The following PDE1C variants were observed in gnomAD, a reference collection of about 807,000 sequenced individuals.
The protein encoded by PDE1C is phosphodiesterase 1C.
A neutral mutation model predicts 93.1 loss-of-function variants in PDE1C; 62 were observed. The ratio of observed to expected loss-of-function variants is 0.67; its 90% CI spans 0.54 to 0.82. The LOEUF is 0.82. PDE1C is among the 40% of genes least tolerant of loss of function. PDE1C has a pLI of 0.00. For synonymous variants in PDE1C, 325 were observed against 310.1 expected (o/e 1.05, Z -0.50); for missense variants, 742 against 884.6 (o/e 0.84, Z 2.04).
the PDE1C span, among the ~76,000 whole-genome samples, chr7:31,677,704 C>A: frequency 9.9e-5 from 15 of 152,118 alleles, no homozygotes; most frequent in Non-Finnish European, 1.5e-4. Context: ...AACTTCTAGG[C>A]TTTTTCTCTA....
intron 2 of PDE1C, among the ~76,000 whole-genome samples, chr7:32,004,349 GA>G (rs1785892359): frequency 6.6e-6 from 1 of 152,116 alleles, no homozygotes; most frequent in Non-Finnish European, 1.5e-5. Context: ...GAGGAGGAGT[GA>G]GCTACAAAGG....
chr7:32,132,388 G>T (rs776747050), intron 3 of PDE1C, among the ~76,000 whole-genome samples: 2 of 152,286 alleles, frequency 1.3e-5, no homozygotes, highest in Admixed American at 1.3e-4. Flanking sequence ...GTTAAGCAGG[G>T]TGCAGTGGCT....
intron 2 of PDE1C, among the ~76,000 whole-genome samples, chr7:32,176,168 C>G (rs758994099): frequency 2.0e-5 from 3 of 152,106 alleles, no homozygotes; most frequent in Non-Finnish European, 2.9e-5. Context: ...TGTAGTTAGC[C>G]TAACTACATC....
the PDE1C span, among the ~76,000 whole-genome samples, chr7:31,688,062 T>A: frequency 6.6e-6 from 1 of 152,168 alleles, no homozygotes; most frequent in African/African-American, 2.4e-5. Flanking sequence ...TTCTGATAGA[T>A]CAATTTAGAT....
chr7:32,338,609 G>A (rs189238093), intron 1 of PDE1C, among the ~76,000 whole-genome samples: 2 of 152,244 alleles, frequency 1.3e-5, no homozygotes, highest in African/African-American at 2.4e-5. Flanking sequence ...ATTACCATAC[G>A]ATCCAGGAAT....
intron 1 of PDE1C, among the ~76,000 whole-genome samples, chr7:32,311,194 C>A (rs937914497): frequency 3.0e-4 from 46 of 152,300 alleles, no homozygotes; most frequent in African/African-American, 1.1e-3. Flanking sequence ...CCTCCCAAGA[C>A]TAAACCAGGA....
Position 32,209,628 on chromosome 7 carries a change from T to C in PDE1C, c.86-89A>G, listed in dbSNP as rs575404387. 5 of 1,100,526 alleles carry C rather than the reference T, an allele frequency of 4.5e-6. No homozygotes were observed. The South Asian group carries it at 7.3e-5, about 16-fold the overall frequency. 68.2% of individuals were successfully genotyped at this position (1,100,526 alleles called of 1,614,324 possible). ...AATACAGCCAATCCCCTGGATGCTT[T>C]GACATCGGGCTGTATTTAAGAGTCT... On this transcript the variant is annotated intron_variant, in intron 1 of 18. Coordinates refer to the PDE1C transcript ENST00000396193.
chr7:31,679,057 T>C, the PDE1C span, among the ~76,000 whole-genome samples: 5 of 152,200 alleles, frequency 3.3e-5, no homozygotes, highest in African/African-American at 1.2e-4. Context: ...AATGAACCTA[T>C]AATCTAGTAA....
the PDE1C span, among the ~76,000 whole-genome samples, chr7:31,670,762 A>T: frequency 1.3e-5 from 2 of 152,020 alleles, no homozygotes; most frequent in African/African-American, 2.4e-5. Flanking sequence ...AGAACATAAC[A>T]TTCCTATTTT....
At chr7:31,747,876 G>T (rs1260424151), downstream of PDE1C, among the ~76,000 whole-genome samples, 1 of 128,206 alleles carries the variant, frequency 7.8e-6, no homozygotes. Context: ...AAAAAAATCA[G>T]TCTTGGGTTC....
chr7:31,673,533 C>A, the PDE1C span, among the ~76,000 whole-genome samples: 1 of 152,094 alleles, frequency 6.6e-6, no homozygotes, highest in East Asian at 1.9e-4. Flanking sequence ...TTAAATTTTT[C>A]TCATGTGTTT....
chr7:32,014,331 A>G (rs1787582892), intron 2 of PDE1C, among the ~76,000 whole-genome samples: 1 of 152,220 alleles, frequency 6.6e-6, no homozygotes, highest in African/African-American at 2.4e-5. Flanking sequence ...AATGTGATTC[A>G]AAAGATCACC....
intron 2 of PDE1C, among the ~76,000 whole-genome samples, chr7:31,986,215 A>C (rs1783380042): frequency 6.6e-6 from 1 of 152,034 alleles, no homozygotes; most frequent in Non-Finnish European, 1.5e-5. Context: ...GCCTCCTCCT[A>C]GCTTCTGGTG....
chr7:32,248,771 G>A (rs1190602365), intron 1 of PDE1C, among the ~76,000 whole-genome samples: 2 of 152,196 alleles, frequency 1.3e-5, no homozygotes, highest in Admixed American at 6.5e-5. Context: ...TAATCACACC[G>A]ATGAGGAAAA....
intron 3 of PDE1C, among the ~76,000 whole-genome samples, chr7:32,121,366 A>T (rs1027848570): frequency 6.6e-5 from 10 of 152,198 alleles, no homozygotes; most frequent in African/African-American, 2.4e-4. Context: ...ATGCAAATTC[A>T]GGAAATACAG....
chr7:31,924,326 G>A (rs1803058235), intron 2 of PDE1C, among the ~76,000 whole-genome samples: 1 of 152,158 alleles, frequency 6.6e-6, no homozygotes, highest in Admixed American at 6.5e-5. Flanking sequence ...TCTCCCAAAT[G>A]ATGGGTAGGG....
At chr7:32,178,036 G>A (rs1449098933) in intron 2 of PDE1C, among the ~76,000 whole-genome samples, 1 of 152,178 alleles carries the variant, frequency 6.6e-6, no homozygotes, top group Non-Finnish European at 1.5e-5. Context: ...CTAGCCCTTT[G>A]GGGTCTACCC....
At chr7:32,083,115 G>T (rs1796819180) in intron 3 of PDE1C, among the ~76,000 whole-genome samples, 1 of 151,996 alleles carries the variant, frequency 6.6e-6, no homozygotes, top group South Asian at 2.1e-4. Context: ...AAAAAATTTA[G>T]ACGAATGTAT....
chr7:31,753,232 T>A lies in PDE1C; in HGVS notation c.*152A>T, dbSNP rs372017131. On this transcript the variant is annotated 3_prime_UTR_variant, in exon 18 of 18. Coordinates refer to ENST00000396191, the MANE Select transcript of PDE1C (RefSeq NM_001191057.4). Reference sequence around the variant, plus strand: ...AAGAACAACAAAGAGGAAAATCACATACAACTTTCATTTCACCTTGGTGGA... The same window carrying A: ...AAGAACAACAAAGAGGAAAATCACAAACAACTTTCATTTCACCTTGGTGGA... The A allele has an allele frequency of 7.6e-5, 72 of 944,816 alleles. 1 individual carries two copies. The highest frequency in any genetic ancestry group is 4.2e-4 in the East Asian group (16 of 38,322). 58.5% of individuals were successfully genotyped at this position (944,816 alleles called of 1,614,324 possible). A position where few individuals can be genotyped will look rare whatever the true frequency, so the allele number is the denominator to read the frequency against.
Sources: gnomAD v4.1 joint callset for allele counts (sites outside exome capture counted in the v4.1 genomes callset) on GRCh38, gnomAD v4.1.1 for gene constraint, MANE v1.5 for transcripts, NCBI Gene and HGNC (gene_info 2026-07-23, HGNC 2026-07-21) for gene names.